CABLES1: variants seen among roughly 807,000 people sequenced by gnomAD.
The protein encoded by CABLES1 is Cdk5 and Abl enzyme substrate 1.
A neutral mutation model predicts 57.8 loss-of-function variants in CABLES1; 36 were observed. The observed-to-expected ratio is 0.62, with a 90% confidence interval of 0.48 to 0.82. The LOEUF (loss-of-function observed/expected upper bound fraction) is 0.82. Ranked by LOEUF, CABLES1 falls within the 40% of genes least tolerant of loss-of-function variation. The probability of loss-of-function intolerance (pLI) is 0.00; values close to 1 mark genes in which losing one functional copy is unlikely to be tolerated. For synonymous variants in CABLES1, 374 were observed against 363.0 expected (o/e 1.03, Z -0.35); for missense variants, 767 against 836.6 (o/e 0.92, Z 1.03).
intron 1 of CABLES1, among the ~76,000 whole-genome samples, chr18:23,179,381 C>T (rs2047147981): frequency 6.6e-6 from 1 of 152,198 alleles, no homozygotes; most frequent in African/African-American, 2.4e-5. Context: ...CCTTCCTTTA[C>T]AAGAAAAATC....
chr18:23,194,374 C>T, intron 2 of CABLES1, 74 bp from the exon 3 acceptor site: 3 of 910,772 alleles, frequency 3.3e-6, no homozygotes, highest in African/African-American at 1.6e-5. Flanking sequence ...TCCTTCCTTC[C>T]TGTCTTTATG....
At position 23,188,803 on chromosome 18, in the gene CABLES1, G is replaced by A. The variant is rs142847644; in HGVS notation, c.846-35G>A. On this transcript the variant is annotated intron_variant, in intron 1 of 9. Transcript: ENST00000256925. ...AATGTCTGATCAGTTCTGCAATGCA[G>A]TTTTAACTCCCAGATTTTTTCCTTC... 3.1e-3 allele frequency: 4,801 copies of A among 1,526,234 alleles called. 10 individuals carry two copies. The highest frequency in any genetic ancestry group is 3.7e-3 in the Non-Finnish European group (4,069 of 1,100,052). 94.5% of individuals were successfully genotyped at this position (1,526,234 alleles called of 1,614,324 possible).
At chr18:23,207,457 TCA>T (rs1183615074) in intron 3 of CABLES1, among the ~76,000 whole-genome samples, 1 of 152,218 alleles carries the variant, frequency 6.6e-6, no homozygotes, top group Non-Finnish European at 1.5e-5. Context: ...CCCTGAGGTC[TCA>T]GTTATCACTT....
At chr18:23,151,330 G>A (rs1430157941) in intron 1 of CABLES1, among the ~76,000 whole-genome samples, 1 of 152,162 alleles carries the variant, frequency 6.6e-6, no homozygotes, top group African/African-American at 2.4e-5. Context: ...CCTGGCCTAC[G>A]TTTTAAGGTC....
At chr18:23,253,166 G>C (rs2145135494) in intron 8 of CABLES1, 100 bp downstream of exon 8, 1 of 697,910 alleles carries the variant, frequency 1.4e-6, no homozygotes, top group Admixed American at 2.1e-5. Context: ...TGTGGTTCCA[G>C]TGATTGAGTC....
chr18:23,194,370 C>G (rs2047266538), intron 2 of CABLES1, 78 bp from the exon 3 acceptor site: 1 of 881,816 alleles, frequency 1.1e-6, no homozygotes, highest in Non-Finnish European at 1.9e-6. Context: ...CTGGTCCTTC[C>G]TTCCTGTCTT....
At chr18:23,206,186 C>T (rs2047361993) in intron 3 of CABLES1, among the ~76,000 whole-genome samples, 1 of 152,212 alleles carries the variant, frequency 6.6e-6, no homozygotes, top group African/African-American at 2.4e-5. Flanking sequence ...CCAGACCCTC[C>T]TCGCTCCTCA....
chr18:23,231,756 C>T (rs781548542), intron 4 of CABLES1, among the ~76,000 whole-genome samples: 19 of 151,862 alleles, frequency 1.3e-4, no homozygotes, highest in South Asian at 6.2e-4. Context: ...GGACTTTATA[C>T]GAGCACATGA....
chr18:23,198,553 C>T (rs1326503698), intron 3 of CABLES1, among the ~76,000 whole-genome samples: 1 of 152,118 alleles, frequency 6.6e-6, no homozygotes, highest in Non-Finnish European at 1.5e-5. Context: ...ATAAGCTGAC[C>T]TTTAAATGGG....
chr18:23,252,109 G>A (rs1031617279), intron 7 of CABLES1, among the ~76,000 whole-genome samples: 2 of 151,426 alleles, frequency 1.3e-5, no homozygotes, highest in African/African-American at 2.4e-5. Flanking sequence ...AAGACTCCAT[G>A]CTAAATAAAA....
chr18:23,166,194 A>G (rs1223548342), intron 1 of CABLES1, among the ~76,000 whole-genome samples: 1 of 151,690 alleles, frequency 6.6e-6, no homozygotes, highest in East Asian at 1.9e-4. Flanking sequence ...TATGTATAAT[A>G]TGAATGCAAT....
chr18:23,150,232 G>A lies in CABLES1; in HGVS notation c.845+13625G>A, dbSNP rs1460606826. Among the ~76,000 whole-genome samples the A allele has an allele frequency of 3.3e-4, 33 of 100,522 alleles. No homozygotes were observed. In the East Asian group the frequency reaches 8.0e-3, roughly 24 times the overall value. The allele number at this position is 100,522 out of a possible 152,430, so 65.9% of individuals were successfully genotyped here. On this transcript the variant is annotated intron_variant, in intron 1 of 9. Coordinates refer to ENST00000256925, the MANE Select transcript of CABLES1 (RefSeq NM_001100619.3). ...GTTTTTTTTTTTTTTTTTTTGAGAC[G>A]GAGTCTTGCTCTGTCACCCTGGCTG... is the stretch of plus-strand genomic sequence containing the variant.
intron 4 of CABLES1, among the ~76,000 whole-genome samples, chr18:23,230,358 C>T (rs2095615593): frequency 6.6e-6 from 1 of 152,130 alleles, no homozygotes; most frequent in African/African-American, 2.4e-5. Context: ...GGTGACAGAG[C>T]AAGACTCCAT....
chr18:23,191,302 C>T (rs1284999157), intron 2 of CABLES1, among the ~76,000 whole-genome samples: 1 of 152,164 alleles, frequency 6.6e-6, no homozygotes, highest in African/African-American at 2.4e-5. Flanking sequence ...TAGACATTCA[C>T]TTATTCCTAG....
At chr18:23,153,033 C>T (rs2046941347) in intron 1 of CABLES1, among the ~76,000 whole-genome samples, 1 of 152,076 alleles carries the variant, frequency 6.6e-6, no homozygotes, top group African/African-American at 2.4e-5. Flanking sequence ...AACTCCTGAC[C>T]TTGTGATCCG....
chr18:23,250,248 T>G (rs970913810), intron 7 of CABLES1, among the ~76,000 whole-genome samples: 4 of 152,230 alleles, frequency 2.6e-5, no homozygotes, highest in Non-Finnish European at 4.4e-5. Flanking sequence ...ATGACTTTAC[T>G]TGAGCCTGCT....
chr18:23,230,634 G>C (rs1286605633), intron 4 of CABLES1, among the ~76,000 whole-genome samples: 1 of 152,138 alleles, frequency 6.6e-6, no homozygotes, highest in Non-Finnish European at 1.5e-5. Flanking sequence ...GCGAAGTTTT[G>C]AAGTGTGACT....
chr18:23,154,419 A>G (rs2046952628), intron 1 of CABLES1, among the ~76,000 whole-genome samples: 2 of 152,198 alleles, frequency 1.3e-5, no homozygotes, highest in South Asian at 2.1e-4. Flanking sequence ...CTACCGAGCC[A>G]TAGGGAAATT....
intron 3 of CABLES1, among the ~76,000 whole-genome samples, chr18:23,212,122 G>T (rs1445353327): frequency 2.0e-5 from 3 of 152,266 alleles, no homozygotes; most frequent in African/African-American, 7.2e-5. Flanking sequence ...TGGCAGCACT[G>T]CCTTTCAGGT....
Sources: gnomAD v4.1 joint callset for allele counts (sites outside exome capture counted in the v4.1 genomes callset) on GRCh38, gnomAD v4.1.1 for gene constraint, MANE v1.5 for transcripts, NCBI Gene and HGNC (gene_info 2026-07-23, HGNC 2026-07-21) for gene names.